TYW1: variants seen among roughly 807,000 people sequenced by gnomAD.
TYW1 encodes tRNA-yW synthesizing protein 1 homolog.
Under a neutral mutation model 96.2 loss-of-function variants are expected in TYW1, and 46 were observed. The observed-to-expected ratio is 0.48, with a 90% CI of 0.38 to 0.61. The LOEUF (loss-of-function observed/expected upper bound fraction) is 0.61, where lower values mean the gene tolerates loss of function less well. Among genes scored for constraint, TYW1 ranks in the 20% least tolerant of loss-of-function variants. The pLI is 0.00. For missense variants in TYW1, 684 were observed against 909.6 expected (o/e 0.75, Z 3.19); for synonymous variants, 274 against 323.0 (o/e 0.85, Z 1.63).
rs180793833 is a variant in TYW1 at position 67,044,292 on chromosome 7, T to C, written c.985-5657T>C. 3.9e-3 allele frequency among the ~76,000 whole-genome samples: 588 copies of C among 152,068 alleles called. 1 individual carries two copies. The highest frequency in any genetic ancestry group is 7.3e-3 in the Admixed American group (112 of 15,256). Reference sequence around the variant, plus strand: ...TTTTGTATTTTCAGAAGAGATGGGTTTCATCATGTTGGCCAGGCTGTTCTA... The same window carrying C: ...TTTTGTATTTTCAGAAGAGATGGGTCTCATCATGTTGGCCAGGCTGTTCTA... On this transcript the variant is annotated intron_variant, in intron 7 of 15. Coordinates refer to ENST00000359626, the MANE Select transcript of TYW1 (RefSeq NM_018264.4).
At chr7:67,204,887 A>G (rs1800731158) in intron 15 of TYW1, among the ~76,000 whole-genome samples, 1 of 152,134 alleles carries the variant, frequency 6.6e-6, no homozygotes, top group African/African-American at 2.4e-5. Context: ...ACGCCCAGCC[A>G]ACTTTCTATT....
chr7:67,178,056 C>G (rs62464977), intron 13 of TYW1, among the ~76,000 whole-genome samples: 6,117 of 150,240 alleles, frequency 0.041, 180 homozygotes, highest in Middle Eastern at 0.1. Flanking sequence ...CCCAGCTACT[C>G]AGGAGGCTGA....
At chr7:67,041,604 C>A (rs1795024503) in intron 7 of TYW1, among the ~76,000 whole-genome samples, 1 of 152,088 alleles carries the variant, frequency 6.6e-6, no homozygotes, top group Non-Finnish European at 1.5e-5. Flanking sequence ...CTGGCTTTTT[C>A]TGGCATTTTC....
chr7:67,042,124 T>A (rs1163750366), intron 7 of TYW1, among the ~76,000 whole-genome samples: 1 of 147,702 alleles, frequency 6.8e-6, no homozygotes, highest in African/African-American at 2.5e-5. Flanking sequence ...TAATTTTAAC[T>A]AATTATTCTG....
chr7:67,160,500 G>A (rs904536131), intron 13 of TYW1, among the ~76,000 whole-genome samples: 1 of 78,276 alleles, frequency 1.3e-5, no homozygotes, highest in East Asian at 2.3e-4. Flanking sequence ...TTTTATTAAG[G>A]ACTTAAGGAC....
chr7:67,042,381 T>C (rs1041544335), intron 7 of TYW1, among the ~76,000 whole-genome samples: 6 of 152,030 alleles, frequency 3.9e-5, no homozygotes, highest in African/African-American at 1.4e-4. Context: ...AGTATGAGAG[T>C]GGTTTCTAAG....
chr7:67,003,401 C>G (rs555943249), intron 3 of TYW1, among the ~76,000 whole-genome samples: 33 of 151,752 alleles, frequency 2.2e-4, no homozygotes, highest in Admixed American at 3.3e-4. Flanking sequence ...TGCTACTCCC[C>G]TGGTCCATGC....
chr7:67,140,936 C>A (rs1189708048), intron 13 of TYW1, among the ~76,000 whole-genome samples: 2 of 152,134 alleles, frequency 1.3e-5, no homozygotes, highest in Non-Finnish European at 2.9e-5. Flanking sequence ...GGAGGGAGAC[C>A]TTTGGCTGTA....
chr7:67,141,373 CCAACACG>C (rs1388554213), intron 13 of TYW1, among the ~76,000 whole-genome samples: 3 of 152,132 alleles, frequency 2.0e-5, no homozygotes, highest in Non-Finnish European at 4.4e-5. Context: ...AATATTCTAA[CCAACACG>C]CAAAATAATT....
intron 13 of TYW1, among the ~76,000 whole-genome samples, chr7:67,146,902 A>G (rs893571984): frequency 8.4e-6 from 1 of 118,720 alleles, no homozygotes; most frequent in Non-Finnish European, 1.8e-5. Flanking sequence ...CATGGTTCAT[A>G]ATGGTTGCTA....
At chr7:67,214,310 T>C (rs1801137854) in intron 15 of TYW1, among the ~76,000 whole-genome samples, 1 of 152,310 alleles carries the variant, frequency 6.6e-6, no homozygotes, top group East Asian at 1.9e-4. Context: ...TGCTAGTATA[T>C]AGGAAAGCAA....
In TYW1 at chr7:67,176,859, C is replaced by T. The variant is rs190706196; in HGVS notation, c.1699-6267C>T. On this transcript the variant is annotated intron_variant, in intron 13 of 15. Coordinates refer to ENST00000359626, the MANE Select transcript of TYW1 (RefSeq NM_018264.4). ...AGGAAAAGGGTTGGGGAGACTGTCC[C>T]GTGCATTGTAGGATATTCAGCAGCA... Among the ~76,000 whole-genome samples the T allele has an allele frequency of 2.3e-3, 347 of 152,048 alleles. 3 individuals carry two copies. Among genetic ancestry groups the T allele is most frequent in the African/African-American group, 7.8e-3 (325 of 41,460 alleles).
intron 15 of TYW1, among the ~76,000 whole-genome samples, chr7:67,227,208 G>A (rs947102466): frequency 3.9e-5 from 6 of 152,116 alleles, no homozygotes; most frequent in African/African-American, 1.2e-4. Context: ...TGCCTGATAA[G>A]AGTACCTTTG....
chr7:67,013,623 A>G (rs1028774881), intron 4 of TYW1, among the ~76,000 whole-genome samples: 4 of 152,102 alleles, frequency 2.6e-5, no homozygotes, highest in Non-Finnish European at 5.9e-5. Flanking sequence ...ACTCTAAGGA[A>G]GCAGGAACAT....
At chr7:67,047,038 A>T (rs780090701) in intron 7 of TYW1, among the ~76,000 whole-genome samples, 1 of 152,130 alleles carries the variant, frequency 6.6e-6, no homozygotes, top group Non-Finnish European at 1.5e-5. Flanking sequence ...TTTTGGATTT[A>T]TCTGGCCTTT....
intron 7 of TYW1, among the ~76,000 whole-genome samples, chr7:67,036,086 G>A (rs372169941): frequency 1.4e-4 from 20 of 144,104 alleles, no homozygotes; most frequent in East Asian, 9.9e-4. Flanking sequence ...TAATGCTGTC[G>A]CGCTGCATCG....
chr7:67,223,474 A>T (rs111445218), intron 15 of TYW1, among the ~76,000 whole-genome samples: 3 of 152,016 alleles, frequency 2.0e-5, no homozygotes, highest in Admixed American at 2.0e-4. Context: ...TAATTTCCCT[A>T]TAAATATGTT....
intron 13 of TYW1, among the ~76,000 whole-genome samples, chr7:67,159,195 T>C (rs1799079177): frequency 6.6e-6 from 1 of 152,226 alleles, no homozygotes; most frequent in Non-Finnish European, 1.5e-5. Flanking sequence ...TTGCTGCATA[T>C]TCATTAGTTG....
chr7:67,184,800 C>T (rs191133377), intron 14 of TYW1, among the ~76,000 whole-genome samples: 3,009 of 151,452 alleles, frequency 0.02, 87 homozygotes, highest in African/African-American at 0.068. Flanking sequence ...CTCCGCCTCC[C>T]GGGTTCAAGC....
Sources: allele counts gnomAD v4.1 joint callset (sites outside exome capture counted in the v4.1 genomes callset), GRCh38; gene constraint gnomAD v4.1.1; transcripts MANE v1.5; gene names NCBI Gene and HGNC (gene_info 2026-07-23, HGNC 2026-07-21).